Variants in NT5M observed in about 807,000 individuals in gnomAD.
NT5M encodes 5'(3')-deoxyribonucleotidase, mitochondrial.
Under a neutral mutation model 22.2 loss-of-function variants are expected in NT5M, and 22 were observed. The ratio of observed to expected loss-of-function variants is 0.99; its 90% CI spans 0.71 to 1.41. The LOEUF (loss-of-function observed/expected upper bound fraction) is 1.41, where lower values mean the gene tolerates loss of function less well. Among genes scored for constraint, NT5M ranks in the 40% most tolerant of loss-of-function variants. The pLI, the probability that NT5M is intolerant of heterozygous loss-of-function variation, is 0.00. For synonymous variants in NT5M, 167 were observed against 133.0 expected (o/e 1.26, Z -1.76); for missense variants, 322 against 314.8 (o/e 1.02, Z -0.17).
Position 17,347,066 on chromosome 17 carries a change from CCTG to C in NT5M, c.*124_*126del. ...CCTAGACTCCTGGGCCCCATGACCTCCTGCTGCATGTCCCTTCCCTTCCCCAGC... is the reference window on the plus strand; with the variant it reads ...CCTAGACTCCTGGGCCCCATGACCTCCTGCATGTCCCTTCCCTTCCCCAGC... On this transcript the variant is annotated 3_prime_UTR_variant, in exon 5 of 5. Transcript: ENST00000389022. 7.9e-7 allele frequency: 1 copy of C among 1,260,574 alleles called. No individual in the cohort carries two copies. Among genetic ancestry groups the C allele is most frequent in the Admixed American group, 2.4e-5 (1 of 41,796 alleles). 78.1% of individuals were successfully genotyped at this position (1,260,574 alleles called of 1,614,324 possible). A position where few individuals can be genotyped will look rare whatever the true frequency, so the allele number is the denominator to read the frequency against.
At chr17:17,316,817 C>T (rs1185405687) in intron 2 of NT5M, among the ~76,000 whole-genome samples, 22 of 148,596 alleles carry the variant, frequency 1.5e-4, no homozygotes, top group African/African-American at 4.7e-4. Context: ...CCGGGTTAAG[C>T]GATTCTCCTG....
chr17:17,307,537 C>A (rs12951504), intron 2 of NT5M, among the ~76,000 whole-genome samples: 1 of 13,152 alleles, frequency 7.6e-5, no homozygotes, highest in Non-Finnish European at 2.8e-4. Context: ...GTCAGGAGTT[C>A]GAGACCAGCC....
Position 17,306,549 on chromosome 17 carries a change from G to A in NT5M, c.274G>A (p.Ala92Thr). Residue 92 changes from alanine (A) to threonine (T), a missense_variant, in exon 2 of 5, where the codon GCC becomes ACC. Transcript: ENST00000389022. Reference protein sequence around the residue: ...GRLRPGLSEKAISIWESKNFF... With the variant: ...GRLRPGLSEKTISIWESKNFF... Reference sequence around the variant, plus strand: ...GCTTTTCTCAACTTCTCAGGAGAAGGCCATCAGCATTTGGGAGTCAAAGAA... The same window carrying A: ...GCTTTTCTCAACTTCTCAGGAGAAGACCATCAGCATTTGGGAGTCAAAGAA... 6.2e-7 allele frequency: 1 copy of A among 1,613,354 alleles called. No homozygotes were observed. Among genetic ancestry groups the A allele is most frequent in the Non-Finnish European group, 8.5e-7 (1 of 1,179,380 alleles).
chr17:17,344,276 A>G (rs1457102492), intron 3 of NT5M, among the ~76,000 whole-genome samples: 1 of 152,178 alleles, frequency 6.6e-6, no homozygotes, highest in Non-Finnish European at 1.5e-5. Context: ...GCTTCTTTGT[A>G]GGCCTGTCCC....
chr17:17,332,058 G>A (rs924388716), intron 3 of NT5M, among the ~76,000 whole-genome samples: 1 of 151,984 alleles, frequency 6.6e-6, no homozygotes, highest in South Asian at 2.1e-4. Flanking sequence ...AGGATTACAG[G>A]TGTGAGCCAC....
At chr17:17,315,455 A>G (rs1404620801) in intron 2 of NT5M, among the ~76,000 whole-genome samples, 1 of 152,212 alleles carries the variant, frequency 6.6e-6, no homozygotes, top group Non-Finnish European at 1.5e-5. Context: ...TGTGCTGCAG[A>G]GGAAACAGGG....
At chr17:17,310,633 T>A (rs1235402128) in intron 2 of NT5M, among the ~76,000 whole-genome samples, 1 of 152,028 alleles carries the variant, frequency 6.6e-6, no homozygotes, top group Non-Finnish European at 1.5e-5. Flanking sequence ...CTCAGGAATT[T>A]GAGCCCAGTC....
At chr17:17,330,224 C>T (rs1473302266) in intron 3 of NT5M, among the ~76,000 whole-genome samples, 2 of 148,692 alleles carry the variant, frequency 1.3e-5, no homozygotes, top group Non-Finnish European at 3.0e-5. Context: ...GGCGTGAACC[C>T]GTGAGACAGA....
rs77616389 is a variant in NT5M at position 17,325,741 on chromosome 17, C to G, written c.429+2496C>G. On this transcript the variant is annotated intron_variant, in intron 3 of 4. Coordinates refer to ENST00000389022, the MANE Select transcript of NT5M (RefSeq NM_020201.4). ...CCTGCCTCTCCACCCACTGTGCCCCCCTCTCTGTGTGCTTCTCCAGCAGCT... is the reference window on the plus strand; with the variant it reads ...CCTGCCTCTCCACCCACTGTGCCCCGCTCTCTGTGTGCTTCTCCAGCAGCT... Among the ~76,000 whole-genome samples the G allele has an allele frequency of 3.5e-3, 529 of 152,326 alleles. 21 individuals carry two copies. The East Asian group carries it at 0.074, about 21-fold the overall frequency.
Position 17,346,911 on chromosome 17 carries a change from C to T in NT5M, c.651C>T (p.Asp217=), listed in dbSNP as rs765554007. ...PRRRLHSWAD[D]WKAILDSKRP... is the part of the protein sequence containing the mutation. Reference sequence around the variant, plus strand: ...GCAGGCTGCACTCGTGGGCGGACGACTGGAAGGCCATTCTGGACAGCAAGC... The same window carrying T: ...GCAGGCTGCACTCGTGGGCGGACGATTGGAAGGCCATTCTGGACAGCAAGC... Residue 217 remains aspartate (D), a synonymous_variant, in exon 5 of 5, where the codon GAC becomes GAT. Transcript: ENST00000389022. 1 of 1,611,486 alleles carries T rather than the reference C, an allele frequency of 6.2e-7. No individual in the cohort carries two copies. The highest frequency in any genetic ancestry group is 8.5e-7 in the Non-Finnish European group (1 of 1,179,952).
chr17:17,342,189 A>G lies in NT5M; in HGVS notation c.430-2605A>G, dbSNP rs560571322. Reference sequence around the variant, plus strand: ...TCATGAAAAAATATTTGCAAAATGCATTGTCTGATAAAGGACTGGTTTCTA... The same window carrying G: ...TCATGAAAAAATATTTGCAAAATGCGTTGTCTGATAAAGGACTGGTTTCTA... On this transcript the variant is annotated intron_variant, in intron 3 of 4. Transcript: ENST00000389022. 6.9e-4 allele frequency among the ~76,000 whole-genome samples: 105 copies of G among 152,346 alleles called. 1 individual carries two copies. Among genetic ancestry groups the G allele is most frequent in the African/African-American group, 2.4e-3 (100 of 41,578 alleles).
intron 1 of NT5M, among the ~76,000 whole-genome samples, chr17:17,305,983 CT>C (rs560585937): frequency 2.0e-5 from 3 of 152,074 alleles, no homozygotes; most frequent in African/African-American, 7.2e-5. Flanking sequence ...CAGCAGAATC[CT>C]TTTTTTAAAA....
At chr17:17,333,890 G>C (rs1319061846) in intron 3 of NT5M, among the ~76,000 whole-genome samples, 2 of 147,754 alleles carry the variant, frequency 1.4e-5, no homozygotes, top group Non-Finnish European at 1.5e-5. Flanking sequence ...CTGGAGTGCA[G>C]TGGCACAATC....
In NT5M at chr17:17,341,127, A is replaced by G. The variant is rs1053621561; in HGVS notation, c.430-3667A>G. Reference sequence around the variant, plus strand: ...GTCTCTGTGTTTGTATAGTTTCCAGAATTCCTCATTATTGATTTCTAGTTT... The same window carrying G: ...GTCTCTGTGTTTGTATAGTTTCCAGGATTCCTCATTATTGATTTCTAGTTT... On this transcript the variant is annotated intron_variant, in intron 3 of 4. Coordinates refer to ENST00000389022, the MANE Select transcript of NT5M (RefSeq NM_020201.4). 2.8e-4 allele frequency among the ~76,000 whole-genome samples: 43 copies of G among 152,166 alleles called. 1 individual carries two copies. The highest frequency in any genetic ancestry group is 1.0e-3 in the African/African-American group (42 of 41,524).
chr17:17,308,294 A>G (rs1185710457), intron 2 of NT5M, among the ~76,000 whole-genome samples: 2 of 152,116 alleles, frequency 1.3e-5, no homozygotes, highest in Non-Finnish European at 2.9e-5. Context: ...CCTTATTGAC[A>G]TATAATAATG....
chr17:17,325,649 T>C lies in NT5M; in HGVS notation c.429+2404T>C, dbSNP rs148971917. Among the ~76,000 whole-genome samples, 21 of 152,304 alleles carry C rather than the reference T, an allele frequency of 1.4e-4. No homozygotes were observed. The East Asian group carries it at 4.1e-3, about 29-fold the overall frequency. On this transcript the variant is annotated intron_variant, in intron 3 of 4. Coordinates refer to ENST00000389022, the MANE Select transcript of NT5M (RefSeq NM_020201.4). The stretch of plus-strand genomic sequence containing the variant: ...GAGCAGATCATGGCAGCTCCTGACT[T>C]GAAACCTCTGAATAGTTTCCCTTTA...
At chr17:17,323,111 AG>A in intron 2 of NT5M, 73 bp from the exon 3 acceptor site, 1 of 1,174,478 alleles carries the variant, frequency 8.5e-7, no homozygotes, top group Non-Finnish European at 1.3e-6. Flanking sequence ...CTGTGAAGGC[AG>A]GGCAGGTGGT....
rs760591240 is a variant in NT5M, at chr17:17,331,289, C to T, written c.429+8044C>T. Among the ~76,000 whole-genome samples the T allele has an allele frequency of 2.4e-3, 370 of 151,318 alleles. 2 individuals are homozygous for T. The highest frequency in any genetic ancestry group is 4.0e-3 in the Non-Finnish European group (275 of 67,982). ...TTCTTGGCGTGTTTCTGGCCCATAC[C>T]GTGTTTATTTTAAAAATTGTTCATG... On this transcript the variant is annotated intron_variant, in intron 3 of 4. Transcript: ENST00000389022.
At chr17:17,323,718 C>T (rs1449576427) in intron 3 of NT5M, among the ~76,000 whole-genome samples, 1 of 152,136 alleles carries the variant, frequency 6.6e-6, no homozygotes, top group Non-Finnish European at 1.5e-5. Context: ...GCACTCATGC[C>T]GGAGGGGTCA....
Sources: gnomAD v4.1 joint callset for allele counts (sites outside exome capture counted in the v4.1 genomes callset) on GRCh38, gnomAD v4.1.1 for gene constraint, MANE v1.5 for transcripts, NCBI Gene and HGNC (gene_info 2026-07-23, HGNC 2026-07-21) for gene names.